Variants in SLC39A11 observed in about 807,000 individuals in gnomAD.
SLC39A11 encodes solute carrier family 39 member 11, also known as zinc transporter ZIP11.
In SLC39A11, 33 loss-of-function variants were observed where a neutral mutation model predicts 36.1. The observed-to-expected ratio is 0.91, with a 90% confidence interval of 0.69 to 1.22. SLC39A11 has a LOEUF of 1.22. Ranked by LOEUF, SLC39A11 falls within the 50% of genes most tolerant of loss-of-function variation. The pLI is 0.00. For synonymous variants in SLC39A11, 166 were observed against 170.3 expected (o/e 0.97, Z 0.20); for missense variants, 432 against 430.3 (o/e 1.00, Z -0.03).
chr17:73,029,245 C>A (rs1001840647), intron 4 of SLC39A11, among the ~76,000 whole-genome samples: 22 of 152,232 alleles, frequency 1.4e-4, no homozygotes, highest in Middle Eastern at 3.4e-3. Flanking sequence ...CACCCCTACT[C>A]CCCAGTAACA....
rs571186597 is a variant in SLC39A11, at chr17:72,747,344, T to A, written c.602-10625A>T. 1.1e-3 allele frequency among the ~76,000 whole-genome samples: 172 copies of A among 151,392 alleles called. 2 individuals are homozygous for A. The highest frequency in any genetic ancestry group is 6.8e-3 in the Middle Eastern group (2 of 292). ...TTTTGTATTTTTAGTAGAGGCGGGG[T>A]TTTTGCCATGTTGGCCAGGCTGGTC... On this transcript the variant is annotated intron_variant, in intron 6 of 9. Transcript: ENST00000255559.
intron 3 of SLC39A11, among the ~76,000 whole-genome samples, chr17:73,074,807 A>G (rs956103249): frequency 6.6e-6 from 1 of 152,216 alleles, no homozygotes. Flanking sequence ...TGTCTTTCAT[A>G]AGAAACCAGC....
chr17:72,711,118 C>T (rs2073090160), intron 7 of SLC39A11, among the ~76,000 whole-genome samples: 1 of 152,198 alleles, frequency 6.6e-6, no homozygotes, highest in Admixed American at 6.5e-5. Flanking sequence ...CACCTGCCTG[C>T]CTAATTCTTA....
intron 5 of SLC39A11, among the ~76,000 whole-genome samples, chr17:72,944,560 C>G (rs1465488817): frequency 2.0e-5 from 3 of 152,170 alleles, no homozygotes; most frequent in African/African-American, 7.2e-5. Context: ...CACACACACA[C>G]AGACTTTGCA....
At chr17:73,065,248 T>C (rs1334382966) in intron 3 of SLC39A11, among the ~76,000 whole-genome samples, 1 of 151,820 alleles carries the variant, frequency 6.6e-6, no homozygotes, top group African/African-American at 2.4e-5. Context: ...CTACTAAAAA[T>C]ACAAAAATTA....
intron 4 of SLC39A11, among the ~76,000 whole-genome samples, chr17:72,974,431 C>CG (rs2087696680): frequency 7.6e-6 from 1 of 132,404 alleles, no homozygotes; most frequent in Non-Finnish European, 1.6e-5. Context: ...CATTTTGTAC[C>CG]AAAAAAAAAA....
intron 7 of SLC39A11, among the ~76,000 whole-genome samples, chr17:72,714,550 G>A (rs2073265156): frequency 6.6e-6 from 1 of 152,152 alleles, no homozygotes. Flanking sequence ...TCCACCTCCT[G>A]CTGAGTGCCT....
At position 73,083,113 on chromosome 17, in the gene SLC39A11, T is replaced by G. The variant is rs116604279; in HGVS notation, c.147+1695A>C. On this transcript the variant is annotated intron_variant, in intron 3 of 9. Transcript: ENST00000255559. ...CACCAACATTCCAAGGGGCCCTCCA[T>G]GTCTGCCTGAAGACCATGCCACCCA... is the stretch of plus-strand genomic sequence containing the variant. Among the ~76,000 whole-genome samples the G allele has an allele frequency of 9.6e-3, 1,459 of 151,394 alleles. 22 individuals carry two copies. Among genetic ancestry groups the G allele is most frequent in the African/African-American group, 0.034 (1,384 of 41,218 alleles).
At chr17:72,648,121 G>A (rs2069654512) in intron 9 of SLC39A11, among the ~76,000 whole-genome samples, 1 of 152,066 alleles carries the variant, frequency 6.6e-6, no homozygotes, top group Non-Finnish European at 1.5e-5. Context: ...CCTGAGGTCA[G>A]GAGTTTGAGA....
intron 3 of SLC39A11, among the ~76,000 whole-genome samples, chr17:73,078,977 CTT>C (rs1211867294): frequency 1.3e-5 from 2 of 152,192 alleles, no homozygotes. Flanking sequence ...TAAGCAAACT[CTT>C]TTTCAAAAGC....
At chr17:72,954,278 T>C (rs2086087903) in intron 4 of SLC39A11, among the ~76,000 whole-genome samples, 1 of 152,176 alleles carries the variant, frequency 6.6e-6, no homozygotes, top group South Asian at 2.1e-4. Flanking sequence ...ACTCCTGACC[T>C]CAAGTGATCC....
intron 6 of SLC39A11, among the ~76,000 whole-genome samples, chr17:72,804,740 C>T (rs2077197103): frequency 6.6e-6 from 1 of 152,178 alleles, no homozygotes; most frequent in African/African-American, 2.4e-5. Flanking sequence ...TAAATAATCT[C>T]CCGGCCACGC....
chr17:73,013,018 C>T (rs749250144), intron 4 of SLC39A11, among the ~76,000 whole-genome samples: 2 of 152,080 alleles, frequency 1.3e-5, no homozygotes, highest in African/African-American at 2.4e-5. Flanking sequence ...AGGCTGGTCT[C>T]GAACTCCTGA....
intron 4 of SLC39A11, among the ~76,000 whole-genome samples, chr17:72,971,413 A>C (rs1314720276): frequency 6.6e-6 from 1 of 151,954 alleles, no homozygotes; most frequent in African/African-American, 2.4e-5. Flanking sequence ...CCCACTGCTC[A>C]ACTTCCCCTC....
intron 6 of SLC39A11, among the ~76,000 whole-genome samples, chr17:72,836,504 C>A (rs1279987375): frequency 6.6e-6 from 1 of 152,122 alleles, no homozygotes; most frequent in Admixed American, 6.5e-5. Context: ...CCATACCCCA[C>A]TAATTTTTGT....
chr17:73,002,728 T>C (rs1025110340), intron 4 of SLC39A11, among the ~76,000 whole-genome samples: 3 of 152,172 alleles, frequency 2.0e-5, no homozygotes, highest in African/African-American at 7.2e-5. Flanking sequence ...ACAACAGAAA[T>C]TCATTCTCTC....
intron 4 of SLC39A11, among the ~76,000 whole-genome samples, chr17:73,004,171 GAA>G (rs879589943): frequency 3.3e-5 from 2 of 59,934 alleles, no homozygotes; most frequent in Admixed American, 1.8e-4. Flanking sequence ...AAAAAAGAAA[GAA>G]AGAAAGAAAG....
At chr17:72,988,390 G>C (rs2088920137) in intron 4 of SLC39A11, among the ~76,000 whole-genome samples, 2 of 152,168 alleles carry the variant, frequency 1.3e-5, no homozygotes, top group Non-Finnish European at 2.9e-5. Flanking sequence ...GAACCTGAGA[G>C]GCAGAGGCTG....
At chr17:73,060,709 A>G (rs1251654891) in intron 3 of SLC39A11, among the ~76,000 whole-genome samples, 1 of 152,202 alleles carries the variant, frequency 6.6e-6, no homozygotes, top group African/African-American at 2.4e-5. Context: ...AAGTACTGTC[A>G]AATAATAAGT....
Sources: allele counts gnomAD v4.1 joint callset (sites outside exome capture counted in the v4.1 genomes callset), GRCh38; gene constraint gnomAD v4.1.1; transcripts MANE v1.5; gene names NCBI Gene and HGNC (gene_info 2026-07-23, HGNC 2026-07-21).